Variants in TMCC1 observed in about 807,000 individuals in gnomAD.
TMCC1 encodes transmembrane and coiled-coil domains protein 1.
A neutral mutation model predicts 52.4 loss-of-function variants in TMCC1; 15 were observed. The ratio of observed to expected loss-of-function variants is 0.29; its 90% CI spans 0.19 to 0.44. The LOEUF is 0.44. Ranked by LOEUF, TMCC1 falls within the 20% of genes least tolerant of loss-of-function variation. The pLI, the probability that TMCC1 is intolerant of heterozygous loss-of-function variation, is 1.00. For synonymous variants in TMCC1, 279 were observed against 301.9 expected (o/e 0.92, Z 0.79); for missense variants, 503 against 806.0 (o/e 0.62, Z 4.55).
chr3:129,801,453 G>C (rs1468812659), intron 4 of TMCC1, among the ~76,000 whole-genome samples: 4 of 152,000 alleles, frequency 2.6e-5, no homozygotes, highest in Admixed American at 1.3e-4. Context: ...GCCTGTTTTT[G>C]TTTTGTTTGT....
At chr3:129,827,143 A>T (rs1335105285) in intron 4 of TMCC1, among the ~76,000 whole-genome samples, 1 of 152,230 alleles carries the variant, frequency 6.6e-6, no homozygotes, top group African/African-American at 2.4e-5. Context: ...CTGCATGGCT[A>T]CGCGTACCTG....
intron 2 of TMCC1, among the ~76,000 whole-genome samples, chr3:129,860,429 G>A (rs535407371): frequency 6.6e-6 from 1 of 151,890 alleles, no homozygotes; most frequent in Non-Finnish European, 1.5e-5. Context: ...GCGGTGGGGG[G>A]AAACGGGTAA....
chr3:129,888,075 T>C (rs1481925771), intron 1 of TMCC1, among the ~76,000 whole-genome samples: 1 of 152,248 alleles, frequency 6.6e-6, no homozygotes, highest in Non-Finnish European at 1.5e-5. Flanking sequence ...TGTAAGTCTC[T>C]AGTTGATAAA....
At chr3:129,761,056 T>A (rs2053536352) in intron 4 of TMCC1, among the ~76,000 whole-genome samples, 1 of 151,630 alleles carries the variant, frequency 6.6e-6, no homozygotes, top group African/African-American at 2.4e-5. Flanking sequence ...CCGGGCGCGG[T>A]GGCTCACGCC....
intron 4 of TMCC1, among the ~76,000 whole-genome samples, chr3:129,736,939 T>G (rs1576632171): frequency 6.6e-6 from 1 of 152,188 alleles, no homozygotes; most frequent in African/African-American, 2.4e-5. Context: ...CCACCCATAC[T>G]CAACAACTGT....
chr3:129,781,688 TG>T, intron 4 of TMCC1, among the ~76,000 whole-genome samples: 1 of 152,108 alleles, frequency 6.6e-6, no homozygotes, highest in East Asian at 1.9e-4. Flanking sequence ...GCAGACTATG[TG>T]GGGCCCTAAA....
intron 2 of TMCC1, among the ~76,000 whole-genome samples, chr3:129,838,440 GAAA>G (rs2107859383): frequency 6.6e-6 from 1 of 151,376 alleles, no homozygotes; most frequent in Non-Finnish European, 1.5e-5. Flanking sequence ...AAAAGAAAAA[GAAA>G]CTGAAAATGC....
intron 1 of TMCC1, chr3:129,892,749 T>A (rs1347747043): frequency 1.3e-5 from 2 of 152,106 alleles, no homozygotes; most frequent in African/African-American, 2.4e-5. Flanking sequence ...AAGAATGTTG[T>A]TAAGGGACGA....
chr3:129,687,487 T>A (rs1279563482), intron 4 of TMCC1, among the ~76,000 whole-genome samples: 2 of 152,202 alleles, frequency 1.3e-5, no homozygotes, highest in Non-Finnish European at 2.9e-5. Flanking sequence ...TTATCTTTTT[T>A]GAGGTCCATA....
intron 2 of TMCC1, chr3:129,857,479 T>C (rs1363276042): frequency 6.6e-6 from 1 of 152,256 alleles, no homozygotes; most frequent in Non-Finnish European, 1.5e-5. Flanking sequence ...GAAACTACTG[T>C]TCTTCATAGA....
rs543210983 is a variant in TMCC1, at chr3:129,885,917, A to G, written c.-434-5358T>C. Among the ~76,000 whole-genome samples, 133 of 150,296 alleles carry G rather than the reference A, an allele frequency of 8.8e-4. 2 individuals are homozygous for G. Among genetic ancestry groups the G allele is most frequent in the Middle Eastern group, 7.0e-3 (2 of 286 alleles). On this transcript the variant is annotated intron_variant, in intron 1 of 6. Transcript: ENST00000393238. ...ACGACCACGCCCAGCTAATTTTTGT[A>G]TTTTTAGTAGAGACAGGGTTTCACC...
At chr3:129,749,031 AT>A (rs750600360) in intron 4 of TMCC1, among the ~76,000 whole-genome samples, 18 of 152,162 alleles carry the variant, frequency 1.2e-4, no homozygotes, top group African/African-American at 1.9e-4. Context: ...CTAAAAAAAA[AT>A]AATTAAAAAT....
At chr3:129,833,882 A>T (rs2059035264) in intron 2 of TMCC1, among the ~76,000 whole-genome samples, 1 of 152,208 alleles carries the variant, frequency 6.6e-6, no homozygotes, top group African/African-American at 2.4e-5. Context: ...CTTGCTTCTG[A>T]TGGGTATTAC....
intron 6 of TMCC1, 113 bp downstream of exon 6, chr3:129,654,855 G>T: frequency 7.2e-7 from 1 of 1,392,772 alleles, no homozygotes; most frequent in Non-Finnish European, 9.8e-7. Flanking sequence ...TTACACAGTT[G>T]GTATAAGCTT....
chr3:129,889,921 T>TA (rs3042659), intron 1 of TMCC1, among the ~76,000 whole-genome samples: 1,847 of 134,936 alleles, frequency 0.014, 25 homozygotes, highest in African/African-American at 0.034. Context: ...GTAGCAAAGT[T>TA]AAAAAAAAAA....
chr3:129,690,921 G>C (rs967993320), intron 4 of TMCC1, among the ~76,000 whole-genome samples: 1 of 152,316 alleles, frequency 6.6e-6, no homozygotes. Context: ...TGAGTTACTA[G>C]ATAAATGTAC....
intron 4 of TMCC1, chr3:129,688,663 G>C (rs2089588716): frequency 1.0e-6 from 1 of 985,364 alleles, no homozygotes; most frequent in Admixed American, 6.1e-5. Context: ...TGAATAAACA[G>C]AAAGCTTCTG....
chr3:129,828,115 T>C lies in TMCC1; in HGVS notation c.264A>G (p.Ala88=), dbSNP rs758546200. The change falls in exon 4 of 7, where the codon GCA becomes GCG. Residue 88 remains alanine (A), a synonymous_variant. Transcript: ENST00000393238. The surrounding 1 kb of genome is among the most constrained non-coding windows in gnomAD (Gnocchi z 4.1). The part of the protein sequence containing the change: ...EPEMDLESQN[A]CAEIDGVPTH... ...TGGGGACACCATCAATCTCAGCACA[T>C]GCGTTCTGGCTTTCCAGATCCATTT... The C allele has an allele frequency of 1.5e-5, 24 of 1,614,182 alleles. No homozygotes were observed. The highest frequency in any genetic ancestry group is 2.0e-5 in the Non-Finnish European group (24 of 1,180,022).
chr3:129,726,895 A>AAAAAAAAAAAAAAAAAAAAAAAAC (rs1208458810), intron 4 of TMCC1, among the ~76,000 whole-genome samples: 1 of 143,720 alleles, frequency 7.0e-6, no homozygotes, highest in Non-Finnish European at 1.5e-5. Context: ...AAAAAAAAAA[A>AAAAAAAAAAAAAAAAAAAAAAAAC]AAAGAACCAC....
Sources: allele counts gnomAD v4.1 joint callset (sites outside exome capture counted in the v4.1 genomes callset), GRCh38; gene constraint gnomAD v4.1.1; non-coding constraint Gnocchi (gnomAD v3.1); transcripts MANE v1.5; gene names NCBI Gene and HGNC (gene_info 2026-07-23, HGNC 2026-07-21).